The following PTPRD variants were observed in gnomAD, a reference collection of about 807,000 sequenced individuals.
PTPRD encodes the protein receptor-type tyrosine-protein phosphatase delta.
In PTPRD, 34 loss-of-function variants were observed where a neutral mutation model predicts 214.5. The observed-to-expected ratio is 0.16, with a 90% confidence interval of 0.12 to 0.21. The LOEUF (loss-of-function observed/expected upper bound fraction) is 0.21. Among genes scored for constraint, PTPRD ranks in the 10% least tolerant of loss-of-function variants. The pLI, the probability that PTPRD is intolerant of heterozygous loss-of-function variation, is 1.00. For synonymous variants in PTPRD, 1,128 were observed against 845.7 expected (o/e 1.33, Z -5.79); for missense variants, 2,545 against 2,398.7 (o/e 1.06, Z -1.27).
At chr9:9,992,675 T>C (rs951430018) in intron 4 of PTPRD, among the ~76,000 whole-genome samples, 1 of 152,020 alleles carries the variant, frequency 6.6e-6, no homozygotes, top group Admixed American at 6.6e-5. Context: ...CTGGAAACCA[T>C]CATTACGAGC....
At chr9:9,964,821 T>A (rs975989579) in intron 4 of PTPRD, among the ~76,000 whole-genome samples, 8 of 152,154 alleles carry the variant, frequency 5.3e-5, no homozygotes, top group African/African-American at 1.9e-4. Flanking sequence ...TGAGGATAAA[T>A]ACGGAATTTG....
intron 3 of PTPRD, among the ~76,000 whole-genome samples, chr9:10,188,915 T>A (rs2099350033): frequency 6.6e-6 from 1 of 152,206 alleles, no homozygotes; most frequent in African/African-American, 2.4e-5. Context: ...GTTGGGAATT[T>A]AACTGGCTTT....
intron 3 of PTPRD, among the ~76,000 whole-genome samples, chr9:10,273,370 C>A (rs1448897678): frequency 6.6e-6 from 1 of 151,890 alleles, no homozygotes; most frequent in African/African-American, 2.4e-5. Flanking sequence ...TTTTTCCAAG[C>A]CTATAAGAAA....
chr9:9,693,975 A>G (rs568475917), intron 7 of PTPRD, among the ~76,000 whole-genome samples: 3 of 152,302 alleles, frequency 2.0e-5, no homozygotes, highest in East Asian at 3.9e-4. Flanking sequence ...TGTTAAATTT[A>G]TCCGACAGAA....
At chr9:8,934,482 TA>T (rs373126144) in intron 11 of PTPRD, among the ~76,000 whole-genome samples, 4 of 7,646 alleles carry the variant, frequency 5.2e-4, no homozygotes, top group Admixed American at 2.4e-3. Flanking sequence ...TATATAAATA[TA>T]TATATATATA....
At chr9:8,949,578 T>C (rs1476305028) in intron 11 of PTPRD, among the ~76,000 whole-genome samples, 1 of 152,134 alleles carries the variant, frequency 6.6e-6, no homozygotes, top group Admixed American at 6.6e-5. Flanking sequence ...GCAAAACGTT[T>C]TGCTAATGTG....
chr9:8,504,217 C>A (rs370585316), intron 23 of PTPRD, 44 bp downstream of exon 23: 1 of 1,606,620 alleles, frequency 6.2e-7, no homozygotes, highest in Non-Finnish European at 8.5e-7. Flanking sequence ...AACATCTCCC[C>A]GAGGAAATAA....
chr9:9,656,621 A>G (rs2096522158), intron 7 of PTPRD, among the ~76,000 whole-genome samples: 1 of 152,178 alleles, frequency 6.6e-6, no homozygotes, highest in South Asian at 2.1e-4. Flanking sequence ...GTTAGGGAGC[A>G]GTGCAGAGGA....
intron 5 of PTPRD, among the ~76,000 whole-genome samples, chr9:9,934,366 A>G (rs2153943168): frequency 6.7e-6 from 1 of 149,754 alleles, no homozygotes; most frequent in Admixed American, 6.6e-5. Flanking sequence ...AGAATCAAAT[A>G]GATGCAATAA....
intron 5 of PTPRD, among the ~76,000 whole-genome samples, chr9:9,822,237 C>A (rs143808312): frequency 0.018 from 2,668 of 150,528 alleles, 70 homozygotes; most frequent in African/African-American, 0.062. Context: ...ATGGTGAAAC[C>A]CCTTCTCTAC....
intron 3 of PTPRD, among the ~76,000 whole-genome samples, chr9:10,268,115 CTTT>C (rs375227811): frequency 1.2e-3 from 155 of 132,792 alleles, no homozygotes; most frequent in African/African-American, 3.9e-3. Context: ...CCATCTCCAT[CTTT>C]TTTTTTTTTT....
chr9:8,322,169 C>A lies in PTPRD; in HGVS notation c.5535-2203G>T, dbSNP rs116521914. On this transcript the variant is annotated intron_variant, in intron 44 of 45. Coordinates refer to ENST00000381196, the MANE Select transcript of PTPRD (RefSeq NM_002839.4). ...CCCATCTGTCTTTTTCTCCTCAGGC[C>A]TCCCTATTCCTTGAGACACAACAAT... Among the ~76,000 whole-genome samples, 965 of 152,072 alleles carry A rather than the reference C, an allele frequency of 6.3e-3. 13 individuals carry two copies. Among genetic ancestry groups the A allele is most frequent in the African/African-American group, 0.022 (921 of 41,538 alleles).
intron 10 of PTPRD, among the ~76,000 whole-genome samples, chr9:9,100,086 A>T (rs934790917): frequency 6.6e-6 from 1 of 152,188 alleles, no homozygotes; most frequent in African/African-American, 2.4e-5. Context: ...AAGAATATAA[A>T]AATTCAGAAA....
intron 12 of PTPRD, among the ~76,000 whole-genome samples, chr9:8,653,058 G>T (rs749609247): frequency 6.6e-6 from 1 of 152,090 alleles, no homozygotes; most frequent in South Asian, 2.1e-4. Flanking sequence ...TAGCACCTTT[G>T]TTCAATTTTA....
intron 8 of PTPRD, among the ~76,000 whole-genome samples, chr9:9,421,147 TC>T: frequency 6.6e-6 from 1 of 152,062 alleles, no homozygotes; most frequent in African/African-American, 2.4e-5. Flanking sequence ...AGTTGTCCCA[TC>T]CATAACCTCG....
At chr9:8,836,906 C>G (rs2097438107) in intron 11 of PTPRD, among the ~76,000 whole-genome samples, 2 of 152,002 alleles carry the variant, frequency 1.3e-5, no homozygotes, top group Admixed American at 1.3e-4. Context: ...AGAACTAGCT[C>G]TCTTCTAAGA....
intron 44 of PTPRD, among the ~76,000 whole-genome samples, chr9:8,329,118 T>C (rs1305280630): frequency 6.6e-6 from 1 of 152,076 alleles, no homozygotes; most frequent in African/African-American, 2.4e-5. Flanking sequence ...CGTGCTGGTT[T>C]TTGGAATGTT....
intron 2 of PTPRD, among the ~76,000 whole-genome samples, chr9:10,558,494 C>A (rs992688871): frequency 6.6e-6 from 1 of 152,098 alleles, no homozygotes; most frequent in Non-Finnish European, 1.5e-5. Context: ...TCTGACCCCT[C>A]TCCAACCTCT....
chr9:8,678,532 G>C (rs762359736), intron 12 of PTPRD, among the ~76,000 whole-genome samples: 2 of 151,972 alleles, frequency 1.3e-5, no homozygotes, highest in Non-Finnish European at 2.9e-5. Context: ...GTTTAACGAG[G>C]GCAAAAGACA....
Sources: gnomAD v4.1 joint callset for allele counts (sites outside exome capture counted in the v4.1 genomes callset) on GRCh38, gnomAD v4.1.1 for gene constraint, MANE v1.5 for transcripts, NCBI Gene and HGNC (gene_info 2026-07-23, HGNC 2026-07-21) for gene names.